Variants in MYH9 observed in about 807,000 individuals in gnomAD.
MYH9 encodes the protein myosin-9.
Under a neutral mutation model 241.9 loss-of-function variants are expected in MYH9, and 29 were observed. The ratio of observed to expected loss-of-function variants is 0.12; its 90% CI spans 0.09 to 0.16. The LOEUF (loss-of-function observed/expected upper bound fraction) is 0.16. Among genes scored for constraint, MYH9 ranks in the 10% least tolerant of loss-of-function variants. The pLI is 1.00. For missense variants in MYH9, 1,803 were observed against 2,595.5 expected (o/e 0.69, Z 6.63); for synonymous variants, 1,047 against 1,062.6 (o/e 0.99, Z 0.29).
rs113783861 is a variant in MYH9 at position 36,302,625 on chromosome 22, C to T, written c.2442G>A (p.Arg814=). 42 of 1,613,564 alleles carry T rather than the reference C, an allele frequency of 2.6e-5. 1 individual carries two copies. The African/African-American group carries it at 4.5e-4, about 17-fold the overall frequency. Residue 814 remains arginine, a synonymous_variant, in exon 20 of 41, where the codon CGG becomes CGA. Coordinates refer to ENST00000216181, the MANE Select transcript of MYH9 (RefSeq NM_002473.6). ...QQLTAMKVLQ[R]NCAAYLKLRN... ...GCAGCTTCAGGTAGGCAGCGCAGTT[C>T]CGCTGGAGGACCTTCATGGCGGTAA...
At position 36,285,639 on chromosome 22, in the gene MYH9, G is replaced by A. The variant is rs755112892; in HGVS notation, c.5274+19C>T. ...TGGCTCCAGCCAGAGCCCAGAGTGG[G>A]AGAAGTCCTGGCACCCACCTGCAGG... On this transcript the variant is annotated intron_variant, in intron 37 of 40. Coordinates refer to ENST00000216181, the MANE Select transcript of MYH9 (RefSeq NM_002473.6). The surrounding 1 kb of genome is among the most constrained non-coding windows in gnomAD (Gnocchi z 7.0). 1 of 1,611,764 alleles carries A rather than the reference G, an allele frequency of 6.2e-7. No homozygotes were observed. The highest frequency in any genetic ancestry group is 8.5e-7 in the Non-Finnish European group (1 of 1,180,002).
chr22:36,320,185 C>G lies in MYH9; in HGVS notation c.1012+35G>C. 1.2e-6 allele frequency: 2 copies of G among 1,613,720 alleles called. No homozygotes were observed. Among genetic ancestry groups the G allele is most frequent in the Non-Finnish European group, 1.7e-6 (2 of 1,179,972 alleles). On this transcript the variant is annotated intron_variant, in intron 9 of 40. Transcript: ENST00000216181. The surrounding 1 kb of genome is among the most constrained non-coding windows in gnomAD (Gnocchi z 4.8). ...GGCCGTGGGTACCAGCCTTCCTCTG[C>G]CCCACACTCGACCATAGGAGGGCCA...
chr22:36,319,676 T>C, intron 9 of MYH9, 41 bp from the exon 10 acceptor site: 1 of 1,591,312 alleles, frequency 6.3e-7, no homozygotes, highest in Non-Finnish European at 8.6e-7. Context: ...CAGACATGGG[T>C]CATGGTGATT....
chr22:36,318,192 C>T lies in MYH9; in HGVS notation c.1227+15G>A, dbSNP rs1465684154. The T allele has an allele frequency of 1.2e-6, 2 of 1,610,836 alleles. No individual in the cohort carries two copies. Among genetic ancestry groups the T allele is most frequent in the South Asian group, 1.1e-5 (1 of 91,018 alleles). On this transcript the variant is annotated intron_variant, in intron 11 of 40. Transcript: ENST00000216181. ...CCCAGGAGGCAGCCAGCTGCCCTGG[C>T]CCCAGAGGACATACCTGCTCTTTAG...
chr22:36,382,736 G>A (rs954137826), intron 1 of MYH9, among the ~76,000 whole-genome samples: 10 of 151,996 alleles, frequency 6.6e-5, no homozygotes, highest in Admixed American at 1.3e-4. Context: ...CCAGGAGGCA[G>A]AGGCTGCAGT....
intron 1 of MYH9, among the ~76,000 whole-genome samples, chr22:36,356,178 C>A (rs932112528): frequency 5.3e-5 from 8 of 152,172 alleles, no homozygotes; most frequent in Non-Finnish European, 8.8e-5. Context: ...TTTTCCATCC[C>A]CACCCCCATC....
chr22:36,331,554 T>C (rs911684954), intron 3 of MYH9, among the ~76,000 whole-genome samples: 2 of 152,206 alleles, frequency 1.3e-5, no homozygotes, highest in African/African-American at 2.4e-5. Flanking sequence ...TGCAGACTTC[T>C]GCTGGGGGCT....
In MYH9 at chr22:36,306,924, C is replaced by T. The variant is rs1193663638; in HGVS notation, c.1844-317G>A. Among the ~76,000 whole-genome samples the T allele has an allele frequency of 1.3e-5, 2 of 152,004 alleles. No homozygotes were observed. The highest frequency in any genetic ancestry group is 1.3e-4 in the Admixed American group (2 of 15,258). ...TCCAAAAAGACTCAATGAAGCTAGT[C>T]ATGTATTTTGGAATAGTGAGAATTC... On this transcript the variant is annotated intron_variant, in intron 15 of 40. Transcript: ENST00000216181. This position sits in a 1 kb window ranked among gnomAD's most constrained non-coding sequence, Gnocchi z 4.1.
At chr22:36,287,198 A>T (rs1009319671) in intron 34 of MYH9, among the ~76,000 whole-genome samples, 6 of 152,202 alleles carry the variant, frequency 3.9e-5, no homozygotes, top group African/African-American at 1.4e-4. Flanking sequence ...TCCCCACCAC[A>T]GGCAGGAAAC....
chr22:36,285,778 G>A lies in MYH9; in HGVS notation c.5154C>T (p.Ala1718=), dbSNP rs769374799. 2.5e-6 allele frequency: 4 copies of A among 1,609,328 alleles called. No individual in the cohort carries two copies. In the East Asian group the frequency reaches 9.0e-5, roughly 36 times the overall value. The change falls in exon 37 of 41, where the codon GCC becomes GCT. Residue 1718 remains alanine, a synonymous_variant. Coordinates refer to ENST00000216181, the MANE Select transcript of MYH9 (RefSeq NM_002473.6). This position sits in a 1 kb window ranked among gnomAD's most constrained non-coding sequence, Gnocchi z 7.0. The part of the protein sequence containing the change: ...DEIANSSGKG[A]LALEEKRRLE... The stretch of plus-strand genomic sequence containing the variant: ...GACGCCGCTTCTCCTCTAACGCCAG[G>A]GCTCTGCGGGGTGGGCGGGAGAAGT...
chr22:36,386,729 G>A (rs532398322), intron 1 of MYH9, among the ~76,000 whole-genome samples: 1 of 152,162 alleles, frequency 6.6e-6, no homozygotes, highest in Admixed American at 6.5e-5. Context: ...CAGGACAGCC[G>A]GCAAGCTAGT....
intron 1 of MYH9, among the ~76,000 whole-genome samples, chr22:36,362,812 T>A (rs1258078744): frequency 6.6e-6 from 1 of 152,136 alleles, no homozygotes; most frequent in Non-Finnish European, 1.5e-5. Flanking sequence ...AAACAACCAA[T>A]GAGCCAGGGC....
chr22:36,351,274 C>G (rs959033178), intron 1 of MYH9, among the ~76,000 whole-genome samples: 2 of 152,230 alleles, frequency 1.3e-5, no homozygotes, highest in African/African-American at 4.8e-5. Context: ...GCCGGTGGCT[C>G]TGTTGACATT....
intron 1 of MYH9, among the ~76,000 whole-genome samples, chr22:36,382,244 G>A (rs990639680): frequency 1.4e-4 from 21 of 152,338 alleles, no homozygotes; most frequent in African/African-American, 1.4e-4. Flanking sequence ...GGAGGCCAAG[G>A]CGGGCGGATC....
Position 36,320,361 on chromosome 22 carries a change from C to T in MYH9, c.871G>A (p.Asp291Asn), listed in dbSNP as rs371205546. 3.1e-6 allele frequency: 5 copies of T among 1,613,254 alleles called. No homozygotes were observed. Among genetic ancestry groups the T allele is most frequent in the African/African-American group, 2.7e-5 (2 of 74,896 alleles). The change falls in exon 9 of 41, where the codon GAT (aspartate) becomes AAT (asparagine). Residue 291 changes from aspartate to asparagine, a missense_variant and splice_region_variant. Coordinates refer to ENST00000216181, the MANE Select transcript of MYH9 (RefSeq NM_002473.6). This position sits in a 1 kb window ranked among gnomAD's most constrained non-coding sequence, Gnocchi z 4.8. ...TTGTTGTACGGCTCCAACAGGAGAT[C>T]GGCTGTAAGGGGTGGAGGGCAAGGG... ...LSGAGEHLKTDLLLEPYNKYR... is the reference protein window; with the variant it reads ...LSGAGEHLKTNLLLEPYNKYR...
In MYH9 at chr22:36,293,908, C is replaced by G; in HGVS notation, c.3838-45G>C. On this transcript the variant is annotated intron_variant, in intron 28 of 40. Transcript: ENST00000216181. The surrounding 1 kb of genome is among the most constrained non-coding windows in gnomAD (Gnocchi z 5.1). ...ACAAAGGACCATGGACCCACCCCCA[C>G]TGCTCCTGCCCCACCTCATCTCCTT... The G allele has an allele frequency of 6.4e-7, 1 of 1,554,316 alleles. No homozygotes were observed. The highest frequency in any genetic ancestry group is 1.1e-5 in the South Asian group (1 of 88,348).
chr22:36,327,768 G>A (rs1224286488), intron 3 of MYH9, among the ~76,000 whole-genome samples: 2 of 152,214 alleles, frequency 1.3e-5, no homozygotes, highest in East Asian at 1.9e-4. Flanking sequence ...CCACCTTAGA[G>A]GAACTAGTGT....
In MYH9 at chr22:36,318,325, G is replaced by C; in HGVS notation, c.1109C>G (p.Ala370Gly). 6.2e-7 allele frequency: 1 copy of C among 1,610,866 alleles called. No individual in the cohort carries two copies. Among genetic ancestry groups the C allele is most frequent in the Non-Finnish European group, 8.5e-7 (1 of 1,177,058 alleles). The stretch of plus-strand genomic sequence containing the variant: ...CAAGAGATGGGACACCTTTTGGGCA[G>C]CTAAGATTTTTCAGAGAATAAGAGA... ...TDQASMPDNT[A>G]AQKVSHLLGI... Residue 370 changes from alanine (A) to glycine (G), a missense_variant and splice_region_variant, in exon 11 of 41, where the codon GCT becomes GGT. Transcript: ENST00000216181.
chr22:36,296,180 A>C (rs1288371320), intron 25 of MYH9, among the ~76,000 whole-genome samples: 1 of 152,168 alleles, frequency 6.6e-6, no homozygotes, highest in East Asian at 1.9e-4. Context: ...CAGTGGATAG[A>C]TGGAGAATCT....
Sources: gnomAD v4.1 joint callset for allele counts (sites outside exome capture counted in the v4.1 genomes callset) on GRCh38, gnomAD v4.1.1 for gene constraint, Gnocchi (gnomAD v3.1) non-coding constraint, MANE v1.5 for transcripts, NCBI Gene and HGNC (gene_info 2026-07-23, HGNC 2026-07-21) for gene names.